Variants in MPP3 observed in about 807,000 individuals in gnomAD.
The protein encoded by MPP3 is MAGUK p55 scaffold protein 3.
Under a neutral mutation model 80.7 loss-of-function variants are expected in MPP3, and 48 were observed. That is an observed-to-expected ratio of 0.59 (90% CI 0.47 to 0.76). The LOEUF is 0.76. Ranked by LOEUF, MPP3 falls within the 30% of genes least tolerant of loss-of-function variation. MPP3 has a pLI of 0.00. For synonymous variants in MPP3, 311 were observed against 297.6 expected, an observed-to-expected ratio of 1.04 and a Z score of -0.46; for missense variants, 620 against 763.0, an observed-to-expected ratio of 0.81 and a Z score of 2.21.
intron 19 of MPP3, among the ~76,000 whole-genome samples, chr17:43,805,813 T>A (rs1425503163): frequency 6.6e-6 from 1 of 152,232 alleles, no homozygotes; most frequent in Non-Finnish European, 1.5e-5. Context: ...AATGGGAAAT[T>A]CTAATGGGCT....
intron 16 of MPP3, 171 bp from the exon 17 acceptor site, chr17:43,811,376 A>G: frequency 3.3e-6 from 2 of 606,588 alleles, no homozygotes; most frequent in Non-Finnish European, 5.9e-6. Context: ...AGGCAGGCGT[A>G]TCACTGATTC....
At chr17:43,823,386 G>T (rs569707547) in intron 10 of MPP3, among the ~76,000 whole-genome samples, 1 of 152,062 alleles carries the variant, frequency 6.6e-6, no homozygotes, top group Non-Finnish European at 1.5e-5. Context: ...CCTTCTTCAG[G>T]CCTCAGTTCC....
rs750639377 is a variant in MPP3 at position 43,810,833 on chromosome 17, C to G, written c.1432G>C (p.Val478Leu). The part of the protein sequence containing the change: ...AIQAVMAKNK[V>L]CLVDVEPEAL... ...TCTGGCTCCACATCCACCAAACAAA[C>G]TTTGTTTTTGGCCATAACAGCCTGA... Residue 478 changes from valine to leucine, a missense_variant, in exon 18 of 20, where the codon GTT becomes CTT. Transcript: ENST00000398389. 3 of 1,609,288 alleles carry G rather than the reference C, an allele frequency of 1.9e-6. No homozygotes were observed. In the Admixed American group the frequency reaches 5.1e-5, roughly 28 times the overall value.
chr17:43,816,849 C>T (rs566404190), intron 12 of MPP3, 152 bp from the exon 13 acceptor site: 21 of 720,906 alleles, frequency 2.9e-5, no homozygotes, highest in African/African-American at 2.3e-4. Flanking sequence ...AGCTGTGGTA[C>T]GTTATTAAAC....
intron 17 of MPP3, 35 bp downstream of exon 17, chr17:43,811,077 G>A (rs1032660018): frequency 1.9e-6 from 3 of 1,578,022 alleles, no homozygotes; most frequent in African/African-American, 1.3e-5. Context: ...ACACACAACT[G>A]CCTGGAGGGC....
At chr17:43,807,854 G>A (rs1243413728) in intron 19 of MPP3, among the ~76,000 whole-genome samples, 1 of 151,988 alleles carries the variant, frequency 6.6e-6, no homozygotes, top group Non-Finnish European at 1.5e-5. Flanking sequence ...CAGCTACCTA[G>A]GAAGCTGAGG....
At chr17:43,812,464 A>G (rs756786304) in intron 16 of MPP3, among the ~76,000 whole-genome samples, 3 of 151,874 alleles carry the variant, frequency 2.0e-5, no homozygotes, top group Non-Finnish European at 4.4e-5. Context: ...GATCTGCCCA[A>G]CCTCTCAGCT....
At chr17:43,831,748 G>C (rs2045972894) in intron 3 of MPP3, 71 bp from the exon 4 acceptor site, 5 of 1,449,124 alleles carry the variant, frequency 3.5e-6, no homozygotes, top group Non-Finnish European at 3.8e-6. Context: ...GAGCCCGAGT[G>C]GGGCCTCAAA....
chr17:43,822,678 T>TACAAAAAAAAAAAA (rs2045519067), intron 10 of MPP3, among the ~76,000 whole-genome samples: 1 of 59,050 alleles, frequency 1.7e-5, no homozygotes, highest in Admixed American at 2.3e-4. Flanking sequence ...ACTCCCATCC[T>TACAAAAAAAAAAAA]AAAAAAAAAA....
chr17:43,818,386 C>T (rs2045260252), intron 11 of MPP3, among the ~76,000 whole-genome samples: 2 of 152,166 alleles, frequency 1.3e-5, no homozygotes, highest in African/African-American at 4.8e-5. Flanking sequence ...GTGTACAATC[C>T]TCAGCTGGTC....
intron 10 of MPP3, among the ~76,000 whole-genome samples, chr17:43,821,339 G>A (rs2045451014): frequency 6.6e-6 from 1 of 152,174 alleles, no homozygotes; most frequent in Non-Finnish European, 1.5e-5. Context: ...TACTTGACCA[G>A]CTGTCCTCAT....
chr17:43,808,418 G>A (rs1468468461), intron 19 of MPP3, among the ~76,000 whole-genome samples: 1 of 152,202 alleles, frequency 6.6e-6, no homozygotes, highest in Non-Finnish European at 1.5e-5. Flanking sequence ...TTGGGTGAGG[G>A]TCTCGCCATC....
At chr17:43,820,822 C>T (rs1462254320) in intron 11 of MPP3, 40 bp downstream of exon 11, 8 of 1,598,042 alleles carry the variant, frequency 5.0e-6, no homozygotes, top group Non-Finnish European at 6.9e-6. Context: ...GTGCCTCTGC[C>T]ACTCTGGAAC....
intron 9 of MPP3, 99 bp from the exon 10 acceptor site, chr17:43,824,104 C>A: frequency 1.2e-6 from 1 of 813,932 alleles, no homozygotes; most frequent in South Asian, 1.9e-5. Flanking sequence ...TTCAGAAAGT[C>A]AGACTTGCAG....
At chr17:43,823,869 C>T in intron 10 of MPP3, 62 bp downstream of exon 10, 1 of 1,228,188 alleles carries the variant, frequency 8.1e-7, no homozygotes, top group African/African-American at 1.5e-5. Flanking sequence ...GGATCCAGCC[C>T]CCAGCCAGCG....
Position 43,831,901 on chromosome 17 carries a change from T to C in MPP3, c.6A>G (p.Pro2=). The change falls in exon 3 of 20, where the codon CCA becomes CCG. Residue 2 remains proline (P), a synonymous_variant. Coordinates refer to ENST00000398389, the MANE Select transcript of MPP3 (RefSeq NM_001932.6). M[P]VLSEDSGLHE... is the part of the protein sequence containing the mutation. ...ACTTACCAGAGTCCTCCGATAGCAC[T>C]GGCATGCTGGCGTTGTCACCTCCCG... 6.2e-6 allele frequency: 10 copies of C among 1,612,670 alleles called. No individual in the cohort carries two copies. Among genetic ancestry groups the C allele is most frequent in the Non-Finnish European group, 7.6e-6 (9 of 1,179,638 alleles).
chr17:43,831,652 C>G lies in MPP3; in HGVS notation c.51G>C (p.Leu17=), dbSNP rs374307494. 6 of 1,612,600 alleles carry G rather than the reference C, an allele frequency of 3.7e-6. No individual in the cohort carries two copies. The highest frequency in any genetic ancestry group is 3.4e-6 in the Non-Finnish European group (4 of 1,179,088). ...TGGAGTCAGGTCTGAGCTGGGAGGT[C>G]AGCAGGGCCAGGGTTTCATGCAAAC... ...DSGLHETLAL[L]TSQLRPDSNH... Residue 17 remains leucine, a synonymous_variant, in exon 4 of 20, where the codon CTG becomes CTC. Transcript: ENST00000398389.
At position 43,816,171 on chromosome 17, in the gene MPP3, G is replaced by T. The variant is rs1598340951; in HGVS notation, c.968-92C>A. 10 of 1,149,496 alleles carry T rather than the reference G, an allele frequency of 8.7e-6. No individual in the cohort carries two copies. In the South Asian group the frequency reaches 1.4e-4, roughly 16 times the overall value. 71.2% of individuals were successfully genotyped at this position (1,149,496 alleles called of 1,614,324 possible). A position where few individuals can be genotyped will look rare whatever the true frequency, so the allele number is the denominator to read the frequency against. On this transcript the variant is annotated intron_variant, in intron 13 of 19. Coordinates refer to ENST00000398389, the MANE Select transcript of MPP3 (RefSeq NM_001932.6). ...GCCCCTGGATGGCCAGGCAGGAAGA[G>T]CCCCCTGGGATGGTGTCTCGTGGGG... is the stretch of plus-strand genomic sequence containing the variant.
chr17:43,823,981 G>A lies in MPP3; in HGVS notation c.634C>T (p.Leu212=). ...ILAQSQGSIT[L]KIIPATQEED... ...TCCTGGGTGGCTGGGATGATTTTTA[G>A]GGTGATGGATCCCTGGGACTGGGCC... The change falls in exon 10 of 20, where the codon CTA becomes TTA. Residue 212 remains leucine, a synonymous_variant. Transcript: ENST00000398389. The A allele has an allele frequency of 1.2e-6, 2 of 1,608,154 alleles. No homozygotes were observed. Among genetic ancestry groups the A allele is most frequent in the Non-Finnish European group, 1.7e-6 (2 of 1,177,590 alleles).
Sources: gnomAD v4.1 joint callset for allele counts (sites outside exome capture counted in the v4.1 genomes callset) on GRCh38, gnomAD v4.1.1 for gene constraint, MANE v1.5 for transcripts, NCBI Gene and HGNC (gene_info 2026-07-23, HGNC 2026-07-21) for gene names.